LRATD1: variants seen among roughly 807,000 people sequenced by gnomAD.
LRATD1 encodes protein LRATD1.
In LRATD1, 8 loss-of-function variants were observed where a neutral mutation model predicts 21.3. That is an observed-to-expected ratio of 0.38 (90% confidence interval 0.22 to 0.68). LRATD1 has a LOEUF of 0.68. Ranked by LOEUF, LRATD1 falls within the 30% of genes least tolerant of loss-of-function variation. LRATD1 has a pLI of 0.54. For synonymous variants in LRATD1, 210 were observed against 186.2 expected, an observed-to-expected ratio of 1.13 and a Z score of -1.04; for missense variants, 380 against 404.0, an observed-to-expected ratio of 0.94 and a Z score of 0.51.
In LRATD1 at chr2:14,634,012, C is replaced by T; in HGVS notation, c.33C>T (p.Leu11=). The change falls in exon 2 of 2, where the codon CTC becomes CTT. Residue 11 remains leucine, a synonymous_variant. Transcript: ENST00000295092. ...ACCAACTGGACCGCATCACCCACCT[C>T]AACTACAGCGAGTTGCCCACAGGGG... is the stretch of plus-strand genomic sequence containing the variant. MGNQLDRITH[L]NYSELPTGDP... 6.2e-7 allele frequency: 1 copy of T among 1,613,960 alleles called. No homozygotes were observed. Among genetic ancestry groups the T allele is most frequent in the South Asian group, 1.1e-5 (1 of 91,078 alleles).
Position 14,634,793 on chromosome 2 carries a change from A to G in LRATD1, c.814A>G (p.Ile272Val), listed in dbSNP as rs1230174350. 2.5e-6 allele frequency: 4 copies of G among 1,605,140 alleles called. No individual in the cohort carries two copies. The highest frequency in any genetic ancestry group is 3.4e-6 in the Non-Finnish European group (4 of 1,175,068). Residue 272 changes from isoleucine (I) to valine (V), a missense_variant, in exon 2 of 2, where the codon ATC becomes GTC. Transcript: ENST00000295092. ...AGACCTCATCCGCGAGAAGCGCCGT[A>G]TCGACGCCAGCGGCCGCCTGCGAGT... ...LEDLIREKRR[I>V]DASGRLRVLQ...
chr2:14,635,503 G>A lies in LRATD1; in HGVS notation c.*645G>A. ...CCTGACATTGTGTTCCAGGCTGCGG[G>A]CTAAGCCAGACAGTGTTTGCCTCCG... On this transcript the variant is annotated 3_prime_UTR_variant, in exon 2 of 2. Coordinates refer to ENST00000295092, the MANE Select transcript of LRATD1 (RefSeq NM_145175.4). 2.1e-6 allele frequency: 1 copy of A among 471,198 alleles called. No individual in the cohort carries two copies. The highest frequency in any genetic ancestry group is 1.5e-5 in the South Asian group (1 of 64,572). 29.2% of individuals were successfully genotyped at this position (471,198 alleles called of 1,614,324 possible).
chr2:14,641,154 C>G (rs1213480487), downstream of LRATD1, among the ~76,000 whole-genome samples: 2 of 152,144 alleles, frequency 1.3e-5, no homozygotes, highest in Non-Finnish European at 2.9e-5. Flanking sequence ...ATAGAGCCCC[C>G]TGACTTTTTG....
At chr2:14,647,530 G>A (rs1235849967) in intron 4 of LRATD1, among the ~76,000 whole-genome samples, 1 of 152,054 alleles carries the variant, frequency 6.6e-6, no homozygotes, top group South Asian at 2.1e-4. Flanking sequence ...AACCCCCAAA[G>A]TGATGATATT....
At position 14,635,685 on chromosome 2, in the gene LRATD1, G is replaced by C. The variant is rs760569233; in HGVS notation, c.*827G>C. 8.7e-6 allele frequency: 4 copies of C among 459,206 alleles called. No homozygotes were observed. Among genetic ancestry groups the C allele is most frequent in the Admixed American group, 4.8e-5 (2 of 41,884 alleles). 28.4% of individuals were successfully genotyped at this position (459,206 alleles called of 1,614,324 possible). ...CCCGCCCCCGACAAGGAGCTCGCTC[G>C]TTCACCTGGTGTCTGGGAACTTGAA... On this transcript the variant is annotated 3_prime_UTR_variant, in exon 2 of 2. Coordinates refer to ENST00000295092, the MANE Select transcript of LRATD1 (RefSeq NM_145175.4).
In LRATD1 at chr2:14,633,831, G is replaced by A; in HGVS notation, c.-36-113G>A. 2.8e-6 allele frequency: 3 copies of A among 1,070,278 alleles called. No individual in the cohort carries two copies. The highest frequency in any genetic ancestry group is 4.0e-6 in the Non-Finnish European group (3 of 752,382). The allele number at this position is 1,070,278 out of a possible 1,614,324, so 66.3% of individuals were successfully genotyped here. A position where few individuals can be genotyped will look rare whatever the true frequency, so the allele number is the denominator to read the frequency against. The stretch of plus-strand genomic sequence containing the variant: ...CTCGGCTGGAAAGGGTGACTCCGGT[G>A]AGGGCACGTAAGCTAGCCGGCAGGT... On this transcript the variant is annotated intron_variant, in intron 1 of 1. Coordinates refer to ENST00000295092, the MANE Select transcript of LRATD1 (RefSeq NM_145175.4). This position sits in a 1 kb window ranked among gnomAD's most constrained non-coding sequence, Gnocchi z 7.5.
At chr2:14,646,831 G>T (rs936017531) in intron 4 of LRATD1, among the ~76,000 whole-genome samples, 2 of 152,126 alleles carry the variant, frequency 1.3e-5, no homozygotes, top group African/African-American at 4.8e-5. Context: ...AGTAAAACAA[G>T]TTACCCATGA....
chr2:14,643,796 C>T (rs911826157), downstream of LRATD1, among the ~76,000 whole-genome samples: 4 of 152,158 alleles, frequency 2.6e-5, no homozygotes, highest in African/African-American at 9.7e-5. Context: ...ATCATGCCGT[C>T]CATTTAATAT....
downstream of LRATD1, chr2:14,649,658 C>A (rs1309503434): frequency 2.5e-5 from 7 of 276,368 alleles, no homozygotes; most frequent in Non-Finnish European, 5.1e-5. Context: ...GCCCTTTGTG[C>A]TAGGCCTGAG....
chr2:14,634,644 G>A lies in LRATD1; in HGVS notation c.665G>A (p.Gly222Asp). 6.4e-7 allele frequency: 1 copy of A among 1,550,966 alleles called. No individual in the cohort carries two copies. Among genetic ancestry groups the A allele is most frequent in the South Asian group, 1.2e-5 (1 of 83,026 alleles). ...SESFAAWCRF[G>D]KREFKAGGEV... The stretch of plus-strand genomic sequence containing the variant: ...AGCTTCGCCGCCTGGTGCCGCTTTG[G>A]CAAGCGGGAGTTCAAGGCGGGAGGG... Residue 222 changes from glycine (G) to aspartate (D), a missense_variant, in exon 2 of 2, where the codon GGC (glycine) becomes GAC (aspartate). Transcript: ENST00000295092.
At chr2:14,651,315 T>C (rs1001368132), downstream of LRATD1, among the ~76,000 whole-genome samples, 1 of 152,178 alleles carries the variant, frequency 6.6e-6, no homozygotes, top group Non-Finnish European at 1.5e-5. Context: ...TATACTTCTC[T>C]TAACTAGCAG....
rs879025258 is a variant in LRATD1 at position 14,638,213 on chromosome 2, CAAAAAAAAAAAA to C, written c.*3365_*3376del. ...ATGCTGTTATTCTCAAAGTACATTC[CAAAAAAAAAAAA>C]AAAAAAAAACTATAGAATTTACGTA... On this transcript the variant is annotated 3_prime_UTR_variant, in exon 2 of 2. Coordinates refer to ENST00000295092, the MANE Select transcript of LRATD1 (RefSeq NM_145175.4). 3.5e-5 allele frequency: 3 copies of C among 85,002 alleles called. No individual in the cohort carries two copies. Among genetic ancestry groups the C allele is most frequent in the South Asian group, 4.1e-4 (1 of 2,448 alleles). 5.3% of individuals were successfully genotyped at this position (85,002 alleles called of 1,614,324 possible). A position where few individuals can be genotyped will look rare whatever the true frequency, so the allele number is the denominator to read the frequency against.
chr2:14,649,672 A>C (rs77404707), downstream of LRATD1: 474 of 248,876 alleles, frequency 1.9e-3, 4 homozygotes, highest in African/African-American at 9.7e-3. Flanking sequence ...GCCTGAGGTG[A>C]GATAGAATTG....
chr2:14,643,845 G>A (rs779873944), downstream of LRATD1, among the ~76,000 whole-genome samples: 1 of 152,170 alleles, frequency 6.6e-6, no homozygotes, highest in Non-Finnish European at 1.5e-5. Context: ...AACATAGTCT[G>A]TTTAAGTTAA....
downstream of LRATD1, among the ~76,000 whole-genome samples, chr2:14,644,814 G>A (rs1671868068): frequency 6.6e-6 from 1 of 152,114 alleles, no homozygotes; most frequent in Non-Finnish European, 1.5e-5. Flanking sequence ...GAGGAGCTAG[G>A]GGAGCTATAA....
chr2:14,635,636 G>A lies in LRATD1; in HGVS notation c.*778G>A, dbSNP rs1289900552. The A allele has an allele frequency of 1.1e-5, 5 of 470,598 alleles. No individual in the cohort carries two copies. Among genetic ancestry groups the A allele is most frequent in the South Asian group, 4.6e-5 (3 of 64,554 alleles). 29.2% of individuals were successfully genotyped at this position (470,598 alleles called of 1,614,324 possible). A position where few individuals can be genotyped will look rare whatever the true frequency, so the allele number is the denominator to read the frequency against. On this transcript the variant is annotated 3_prime_UTR_variant, in exon 2 of 2. Coordinates refer to ENST00000295092, the MANE Select transcript of LRATD1 (RefSeq NM_145175.4). ...CCGGTCCCGGGAGGAAGATGGCGCTGCGAATTCGGTGAGGACAGCCGGCCC... is the reference window on the plus strand; with the variant it reads ...CCGGTCCCGGGAGGAAGATGGCGCTACGAATTCGGTGAGGACAGCCGGCCC...
downstream of LRATD1, among the ~76,000 whole-genome samples, chr2:14,642,744 G>C (rs1214314922): frequency 2.0e-5 from 3 of 152,124 alleles, no homozygotes; most frequent in African/African-American, 7.2e-5. Flanking sequence ...TGGACCTCCA[G>C]GCTGGTTGAA....
downstream of LRATD1, chr2:14,642,216 G>A (rs951098222): frequency 6.5e-6 from 1 of 152,814 alleles, no homozygotes; most frequent in South Asian, 2.1e-4. Flanking sequence ...TAGAAAATAA[G>A]CTGGAATGAT....
downstream of LRATD1, chr2:14,650,402 A>T (rs1238653827): frequency 2.6e-5 from 4 of 152,214 alleles, no homozygotes; most frequent in Non-Finnish European, 5.9e-5. Flanking sequence ...AACTAGAAGC[A>T]ATGCTTTCTT....
Sources: allele counts gnomAD v4.1 joint callset (sites outside exome capture counted in the v4.1 genomes callset), GRCh38; gene constraint gnomAD v4.1.1; non-coding constraint Gnocchi (gnomAD v3.1); transcripts MANE v1.5; gene names NCBI Gene and HGNC (gene_info 2026-07-23, HGNC 2026-07-21).